Variants in LDB2 observed in about 807,000 individuals in gnomAD.
LDB2 encodes LIM domain-binding protein 2.
Under a neutral mutation model 44.3 loss-of-function variants are expected in LDB2, and 12 were observed. The observed-to-expected ratio is 0.27, with a 90% CI of 0.17 to 0.44. The LOEUF is 0.44. Among genes scored for constraint, LDB2 ranks in the 20% least tolerant of loss-of-function variants. LDB2 has a pLI of 1.00. For synonymous variants in LDB2, 164 were observed against 174.8 expected (o/e 0.94, Z 0.49); for missense variants, 344 against 473.5 (o/e 0.73, Z 2.54).
At chr4:16,805,857 C>T (rs1778686314) in intron 1 of LDB2, among the ~76,000 whole-genome samples, 1 of 152,180 alleles carries the variant, frequency 6.6e-6, no homozygotes, top group Admixed American at 6.5e-5. Context: ...GTGGCTTGCA[C>T]ATGCTGATTT....
At chr4:16,589,531 C>T (rs1718171778) in intron 3 of LDB2, among the ~76,000 whole-genome samples, 1 of 152,126 alleles carries the variant, frequency 6.6e-6, no homozygotes, top group African/African-American at 2.4e-5. Context: ...TTTTGAAGGT[C>T]TCTTCCTTGA....
At chr4:16,617,264 C>A (rs1578232215) in intron 2 of LDB2, among the ~76,000 whole-genome samples, 1 of 151,528 alleles carries the variant, frequency 6.6e-6, no homozygotes, top group Non-Finnish European at 1.5e-5. Flanking sequence ...ACCTTCCTTG[C>A]AAACAGATAG....
At chr4:16,775,354 C>T (rs1465200656) in intron 1 of LDB2, among the ~76,000 whole-genome samples, 2 of 152,182 alleles carry the variant, frequency 1.3e-5, no homozygotes, top group African/African-American at 4.8e-5. Flanking sequence ...ACACACCTTG[C>T]TGCCAGAGGA....
chr4:16,794,204 G>C (rs952658312), intron 1 of LDB2, among the ~76,000 whole-genome samples: 1 of 152,162 alleles, frequency 6.6e-6, no homozygotes, highest in Non-Finnish European at 1.5e-5. Context: ...CCCTGGGGCA[G>C]AGCTGAGATG....
At chr4:16,763,073 CCACACA>C (rs57168902) in intron 1 of LDB2, among the ~76,000 whole-genome samples, 4,673 of 140,140 alleles carry the variant, frequency 0.033, 114 homozygotes, top group African/African-American at 0.057. Flanking sequence ...TTAGGTAACA[CCACACA>C]CACACACACA....
At chr4:16,799,011 C>T (rs1412926372) in intron 1 of LDB2, among the ~76,000 whole-genome samples, 5 of 152,088 alleles carry the variant, frequency 3.3e-5, no homozygotes, top group Non-Finnish European at 7.4e-5. Flanking sequence ...CCACCACACC[C>T]GGCTAATTTT....
At position 16,855,053 on chromosome 4, in the gene LDB2, G is replaced by T. The variant is rs1789073287; in HGVS notation, c.132+43301C>A. On this transcript the variant is annotated intron_variant, in intron 1 of 7. Transcript: ENST00000304523. ...AAATATGGACAGCCAGTATACAGAA[G>T]GAAATGCCTACAAAATAATGCTCAA... Among the ~76,000 whole-genome samples the T allele has an allele frequency of 2.0e-5, 3 of 151,954 alleles. No individual in the cohort carries two copies. In the South Asian group the frequency reaches 6.2e-4, roughly 31 times the overall value.
chr4:16,672,084 G>A (rs1416702062), intron 2 of LDB2, among the ~76,000 whole-genome samples: 1 of 152,098 alleles, frequency 6.6e-6, no homozygotes, highest in East Asian at 1.9e-4. Context: ...ACCCTTTACT[G>A]AGCACTTACC....
chr4:16,795,560 C>G (rs1453312628), intron 1 of LDB2, among the ~76,000 whole-genome samples: 2 of 152,086 alleles, frequency 1.3e-5, no homozygotes, highest in Non-Finnish European at 2.9e-5. Flanking sequence ...GTGGTTCACT[C>G]TAGCTCACCT....
chr4:16,692,410 T>C (rs1169529056), intron 2 of LDB2, among the ~76,000 whole-genome samples: 4 of 152,116 alleles, frequency 2.6e-5, no homozygotes, highest in Non-Finnish European at 4.4e-5. Flanking sequence ...TAGGGATGTA[T>C]CTAGTCTAAA....
intron 7 of LDB2, chr4:16,503,115 C>A (rs186727999): frequency 6.5e-7 from 1 of 1,536,476 alleles, no homozygotes; most frequent in South Asian, 1.2e-5. Flanking sequence ...CACTGGAGAA[C>A]GAGCAATGCT....
Position 16,833,687 on chromosome 4 carries a change from C to A in LDB2, c.132+64667G>T, listed in dbSNP as rs111714677. Among the ~76,000 whole-genome samples, 437 of 152,242 alleles carry A rather than the reference C, an allele frequency of 2.9e-3. 1 individual carries two copies. Among genetic ancestry groups the A allele is most frequent in the South Asian group, 7.0e-3 (34 of 4,824 alleles). The stretch of plus-strand genomic sequence containing the variant: ...CCTCCCGAGTAGCTGGGACTACCGG[C>A]GCATGCCACCACGCCCAGCTAATTT... On this transcript the variant is annotated intron_variant, in intron 1 of 7. Transcript: ENST00000304523.
intron 2 of LDB2, among the ~76,000 whole-genome samples, chr4:16,687,128 T>G (rs557545287): frequency 6.6e-6 from 1 of 152,294 alleles, no homozygotes; most frequent in Admixed American, 6.5e-5. Context: ...AAAAAAACCA[T>G]TAACTTCAGT....
chr4:16,735,465 A>G (rs1381086652), intron 2 of LDB2, among the ~76,000 whole-genome samples: 3 of 152,122 alleles, frequency 2.0e-5, no homozygotes, highest in African/African-American at 7.2e-5. Flanking sequence ...CCACTGTGGG[A>G]GATGGGGCTT....
At chr4:16,822,711 T>G (rs1782330172) in intron 1 of LDB2, among the ~76,000 whole-genome samples, 1 of 152,004 alleles carries the variant, frequency 6.6e-6, no homozygotes, top group African/African-American at 2.4e-5. Flanking sequence ...ACACAGGGTT[T>G]CACCATGTTG....
At chr4:16,788,791 C>T (rs553268002) in intron 1 of LDB2, among the ~76,000 whole-genome samples, 1 of 152,192 alleles carries the variant, frequency 6.6e-6, no homozygotes, top group Non-Finnish European at 1.5e-5. Context: ...CAAGAACAGG[C>T]AACTTTATAA....
At chr4:16,817,681 T>C (rs73799284) in intron 1 of LDB2, among the ~76,000 whole-genome samples, 2,474 of 152,296 alleles carry the variant, frequency 0.016, 74 homozygotes, top group African/African-American at 0.056. Context: ...GTACTTTCTG[T>C]GTACCAGTAT....
At chr4:16,575,768 C>T (rs887562689) in intron 5 of LDB2, among the ~76,000 whole-genome samples, 48 of 152,200 alleles carry the variant, frequency 3.2e-4, no homozygotes, top group African/African-American at 9.2e-4. Context: ...GACGGAGTCT[C>T]GCTCTGTTGC....
At chr4:16,659,889 T>C (rs1166713667) in intron 2 of LDB2, among the ~76,000 whole-genome samples, 1 of 152,088 alleles carries the variant, frequency 6.6e-6, no homozygotes. Flanking sequence ...CTTTTGTAAC[T>C]GTGGAGCTTT....
Sources: allele counts gnomAD v4.1 joint callset (sites outside exome capture counted in the v4.1 genomes callset), GRCh38; gene constraint gnomAD v4.1.1; transcripts MANE v1.5; gene names NCBI Gene and HGNC (gene_info 2026-07-23, HGNC 2026-07-21).